The following SCHIP1 variants were observed in gnomAD, a reference collection of about 807,000 sequenced individuals.
SCHIP1 encodes schwannomin-interacting protein 1.
A neutral mutation model predicts 29.7 loss-of-function variants in SCHIP1; 8 were observed. The ratio of observed to expected loss-of-function variants is 0.27; its 90% confidence interval spans 0.16 to 0.49. SCHIP1 has a LOEUF of 0.49. Ranked by LOEUF, SCHIP1 falls within the 20% of genes least tolerant of loss-of-function variation. SCHIP1 has a pLI of 0.99. For missense variants in SCHIP1, 193 were observed against 294.6 expected (o/e 0.66, Z 2.52); for synonymous variants, 76 against 94.9 (o/e 0.80, Z 1.16).
the SCHIP1 span, among the ~76,000 whole-genome samples, chr3:159,442,049 A>T: frequency 6.6e-6 from 1 of 152,134 alleles, no homozygotes; most frequent in African/African-American, 2.4e-5. Context: ...GTATGGCTAT[A>T]TGTTGTGTCC....
chr3:159,374,258 G>T, the SCHIP1 span, among the ~76,000 whole-genome samples: 1 of 152,064 alleles, frequency 6.6e-6, no homozygotes, highest in Non-Finnish European at 1.5e-5. Flanking sequence ...TTTGTACTTT[G>T]CTCTGGACTC....
At chr3:159,776,681 ATTAGAT>A in the SCHIP1 span, among the ~76,000 whole-genome samples, 1 of 152,224 alleles carries the variant, frequency 6.6e-6, no homozygotes, top group Non-Finnish European at 1.5e-5. Flanking sequence ...TGATCTAAAT[ATTAGAT>A]TTATTTTTCT....
At chr3:159,896,510 C>T (rs990952378) in intron 6 of SCHIP1, among the ~76,000 whole-genome samples, 3 of 152,134 alleles carry the variant, frequency 2.0e-5, no homozygotes, top group Admixed American at 6.5e-5. Flanking sequence ...CATCCAGTGG[C>T]TTACTAAATA....
chr3:159,375,491 C>G, the SCHIP1 span, among the ~76,000 whole-genome samples: 1 of 152,184 alleles, frequency 6.6e-6, no homozygotes, highest in Non-Finnish European at 1.5e-5. Context: ...AATCACAGCA[C>G]TTTGGGAGGC....
the SCHIP1 span, among the ~76,000 whole-genome samples, chr3:159,619,919 G>A: frequency 6.6e-6 from 1 of 152,270 alleles, no homozygotes; most frequent in Non-Finnish European, 1.5e-5. Context: ...GAAGTCCATG[G>A]TATATAAAGC....
At chr3:159,778,169 A>G in the SCHIP1 span, among the ~76,000 whole-genome samples, 1 of 151,804 alleles carries the variant, frequency 6.6e-6, no homozygotes, top group African/African-American at 2.4e-5. Context: ...AATTTTTTGT[A>G]TTTTTAGTAG....
At chr3:159,699,497 C>T in the SCHIP1 span, among the ~76,000 whole-genome samples, 189 of 152,210 alleles carry the variant, frequency 1.2e-3, no homozygotes, top group African/African-American at 4.5e-3. Context: ...GGGATGTTTA[C>T]CCACAAAATG....
At chr3:159,624,611 C>T in the SCHIP1 span, among the ~76,000 whole-genome samples, 1 of 152,120 alleles carries the variant, frequency 6.6e-6, no homozygotes, top group Admixed American at 6.5e-5. Flanking sequence ...ACCCACTTAA[C>T]GAGTGACACC....
the SCHIP1 span, among the ~76,000 whole-genome samples, chr3:159,759,496 A>T: frequency 2.0e-5 from 3 of 152,314 alleles, no homozygotes; most frequent in African/African-American, 7.2e-5. Context: ...TTTTTAGTTC[A>T]CTCATTATTT....
chr3:159,538,873 GTCTT>G, the SCHIP1 span, among the ~76,000 whole-genome samples: 3 of 152,000 alleles, frequency 2.0e-5, no homozygotes, highest in Non-Finnish European at 4.4e-5. Flanking sequence ...TATTATATTT[GTCTT>G]TCTTTTAAAA....
At chr3:159,486,914 G>A in the SCHIP1 span, among the ~76,000 whole-genome samples, 1 of 152,158 alleles carries the variant, frequency 6.6e-6, no homozygotes, top group Non-Finnish European at 1.5e-5. Flanking sequence ...ATATTTAATT[G>A]GATATATTGT....
chr3:159,636,703 G>A, the SCHIP1 span, among the ~76,000 whole-genome samples: 32 of 152,268 alleles, frequency 2.1e-4, no homozygotes, highest in East Asian at 6.2e-3. Context: ...TTCATCCAGA[G>A]GGAAATTGGC....
rs556314262 is a variant in SCHIP1, at chr3:159,856,764, T to C, written c.31-9399T>C. Among the ~76,000 whole-genome samples the C allele has an allele frequency of 1.1e-4, 17 of 152,278 alleles. 1 individual carries two copies. The highest frequency in any genetic ancestry group is 4.1e-4 in the African/African-American group (17 of 41,562). On this transcript the variant is annotated intron_variant, in intron 1 of 6. Transcript: ENST00000445224. ...ATTAGGGAGGACCCTGTGAAAAAAT[T>C]AAAAGGCTGGAAGGAACAATATTTA...
the SCHIP1 span, among the ~76,000 whole-genome samples, chr3:159,287,490 G>T: frequency 6.6e-6 from 1 of 151,780 alleles, no homozygotes; most frequent in African/African-American, 2.4e-5. Context: ...TTGTGTTGAA[G>T]AAAATTTTAA....
chr3:159,890,526 A>C (rs749366534), intron 5 of SCHIP1, among the ~76,000 whole-genome samples: 5 of 152,198 alleles, frequency 3.3e-5, no homozygotes, highest in Non-Finnish European at 7.4e-5. Context: ...TATTGTTTTA[A>C]AATTAAGAGA....
chr3:159,629,144 C>A, the SCHIP1 span, among the ~76,000 whole-genome samples: 8 of 150,480 alleles, frequency 5.3e-5, no homozygotes, highest in South Asian at 1.5e-3. Flanking sequence ...TAAACAAAAA[C>A]ACACACACAC....
At chr3:159,352,926 T>C in the SCHIP1 span, among the ~76,000 whole-genome samples, 1 of 152,168 alleles carries the variant, frequency 6.6e-6, no homozygotes. Flanking sequence ...ATTCAGGTGG[T>C]ACACAGCTTT....
At chr3:159,299,748 C>A in the SCHIP1 span, among the ~76,000 whole-genome samples, 1 of 152,168 alleles carries the variant, frequency 6.6e-6, no homozygotes, top group African/African-American at 2.4e-5. Flanking sequence ...TGATCTTCCA[C>A]AATGTATTTC....
chr3:159,538,614 TA>T, the SCHIP1 span, among the ~76,000 whole-genome samples: 41 of 152,206 alleles, frequency 2.7e-4, no homozygotes, highest in African/African-American at 9.1e-4. Flanking sequence ...AGCACAACCA[TA>T]AAAAGATAAA....
Sources: gnomAD v4.1 joint callset for allele counts (sites outside exome capture counted in the v4.1 genomes callset) on GRCh38, gnomAD v4.1.1 for gene constraint, MANE v1.5 for transcripts, NCBI Gene and HGNC (gene_info 2026-07-23, HGNC 2026-07-21) for gene names.